Variants in NIPSNAP1 observed in about 807,000 individuals in gnomAD.
NIPSNAP1 encodes nipsnap homolog 1, also known as protein NipSnap homolog 1.
Under a neutral mutation model 49.2 loss-of-function variants are expected in NIPSNAP1, and 25 were observed. The ratio of observed to expected loss-of-function variants is 0.51; its 90% confidence interval spans 0.37 to 0.71. NIPSNAP1 has a LOEUF of 0.71. Among genes scored for constraint, NIPSNAP1 ranks in the 30% least tolerant of loss-of-function variants. NIPSNAP1 has a pLI of 0.00. For missense variants in NIPSNAP1, 294 were observed against 361.0 expected (o/e 0.81, Z 1.50); for synonymous variants, 143 against 140.7 (o/e 1.02, Z -0.12).
In NIPSNAP1 at chr22:29,555,616, A is replaced by G; in HGVS notation, c.*319T>C. 2.7e-6 allele frequency: 1 copy of G among 363,800 alleles called. No individual in the cohort carries two copies. Among genetic ancestry groups the G allele is most frequent in the Non-Finnish European group, 5.3e-6 (1 of 187,590 alleles). The allele number at this position is 363,800 out of a possible 1,614,324, so 22.5% of individuals were successfully genotyped here. ...GCTAAACAGAGGATTTCCAAGGGTG[A>G]TAACTGGGGACTGGTGGCCTTGAGA... is the stretch of plus-strand genomic sequence containing the variant. On this transcript the variant is annotated 3_prime_UTR_variant, in exon 10 of 10. Coordinates refer to ENST00000216121, the MANE Select transcript of NIPSNAP1 (RefSeq NM_003634.4).
intron 4 of NIPSNAP1, among the ~76,000 whole-genome samples, chr22:29,563,096 C>CA (rs1342176382): frequency 2.1e-4 from 26 of 123,446 alleles, no homozygotes; most frequent in African/African-American, 7.1e-4. Flanking sequence ...GAGACTCCAT[C>CA]TTAAAAAAAA....
At chr22:29,580,949 C>G in intron 1 of NIPSNAP1, 36 bp downstream of exon 1, 1 of 1,492,076 alleles carries the variant, frequency 6.7e-7, no homozygotes, top group Non-Finnish European at 8.9e-7. Context: ...GCACCCCACC[C>G]CGCGCGCGTC....
intron 1 of NIPSNAP1, among the ~76,000 whole-genome samples, chr22:29,577,264 G>T (rs2064459788): frequency 6.6e-6 from 1 of 150,514 alleles, no homozygotes; most frequent in Non-Finnish European, 1.5e-5. Flanking sequence ...AATTTTTGTT[G>T]TTGTTTGAGA....
intron 2 of NIPSNAP1, 84 bp downstream of exon 2, chr22:29,570,321 G>A (rs904364213): frequency 1.9e-6 from 3 of 1,609,518 alleles, no homozygotes; most frequent in Admixed American, 1.7e-5. Flanking sequence ...GGACATTCCA[G>A]ACCCTCCCAT....
At position 29,555,633 on chromosome 22, in the gene NIPSNAP1, G is replaced by A; in HGVS notation, c.*302C>T. 1 of 386,538 alleles carries A rather than the reference G, an allele frequency of 2.6e-6. No homozygotes were observed. The highest frequency in any genetic ancestry group is 5.0e-6 in the Non-Finnish European group (1 of 201,864). 23.9% of individuals were successfully genotyped at this position (386,538 alleles called of 1,614,324 possible). A position where few individuals can be genotyped will look rare whatever the true frequency, so the allele number is the denominator to read the frequency against. ...CAAGGGTGATAACTGGGGACTGGTG[G>A]CCTTGAGATGAGGAATTTTAGAAGA... On this transcript the variant is annotated 3_prime_UTR_variant, in exon 10 of 10. Transcript: ENST00000216121.
At chr22:29,561,726 G>A (rs753863845) in intron 5 of NIPSNAP1, 66 bp downstream of exon 5, 178 of 1,612,962 alleles carry the variant, frequency 1.1e-4, no homozygotes, top group Non-Finnish European at 1.4e-4. Flanking sequence ...TAGCAGAGTA[G>A]TCCCCAGAAC....
At position 29,558,919 on chromosome 22, in the gene NIPSNAP1, T is replaced by C. The variant is rs762962880; in HGVS notation, c.741A>G (p.Arg247=). 1.9e-6 allele frequency: 3 copies of C among 1,613,988 alleles called. No homozygotes were observed. Among genetic ancestry groups the C allele is most frequent in the Non-Finnish European group, 1.7e-6 (2 of 1,179,974 alleles). The change falls in exon 9 of 10, where the codon CGA becomes CGG. Residue 247 remains arginine, a synonymous_variant. Transcript: ENST00000216121. ...YKDLQSREET[R]NAAWRKRGWD... ...AGCCTCTCTTCCTCCAGGCAGCGTTTCGAGTCTCCTCCCGAGACTGCAGGT... is the reference window on the plus strand; with the variant it reads ...AGCCTCTCTTCCTCCAGGCAGCGTTCCGAGTCTCCTCCCGAGACTGCAGGT...
Position 29,575,428 on chromosome 22 carries a change from GT to G in NIPSNAP1, c.99-4897del, listed in dbSNP as rs544612780. ...CCATCCCTAAAGCTGTTTTCTACAG[GT>G]AAAATCCAAGAAGGAGCTTGTCAAA... On this transcript the variant is annotated intron_variant, in intron 1 of 9. Transcript: ENST00000216121. 1.2e-4 allele frequency among the ~76,000 whole-genome samples: 18 copies of G among 152,208 alleles called. No individual in the cohort carries two copies. In the East Asian group the frequency reaches 3.1e-3, roughly 26 times the overall value.
chr22:29,574,291 A>AAAAAG, intron 1 of NIPSNAP1, among the ~76,000 whole-genome samples: 1 of 148,354 alleles, frequency 6.7e-6, no homozygotes, highest in Non-Finnish European at 1.5e-5. Flanking sequence ...AAAAAAAAAA[A>AAAAAG]AGAAAGAAAA....
chr22:29,577,683 G>C (rs1248941974), intron 1 of NIPSNAP1, among the ~76,000 whole-genome samples: 1 of 150,908 alleles, frequency 6.6e-6, no homozygotes, highest in Non-Finnish European at 1.5e-5. Context: ...CAAAGTGCTG[G>C]GATTACAGGT....
chr22:29,566,077 A>G (rs1253315147), intron 4 of NIPSNAP1, among the ~76,000 whole-genome samples: 1 of 152,118 alleles, frequency 6.6e-6, no homozygotes, highest in Non-Finnish European at 1.5e-5. Flanking sequence ...TTTCTGCATG[A>G]GCCTGTGTGT....
intron 4 of NIPSNAP1, among the ~76,000 whole-genome samples, chr22:29,565,236 GGGCAGTGGCTCACGCC>G (rs2064361354): frequency 6.6e-6 from 1 of 151,838 alleles, no homozygotes; most frequent in African/African-American, 2.4e-5. Flanking sequence ...AAAAGGCCAG[GGGCAGTGGCTCACGCC>G]TTTAATCCCA....
intron 2 of NIPSNAP1, 54 bp downstream of exon 2, chr22:29,570,351 A>G (rs1338284593): frequency 1.2e-6 from 2 of 1,613,276 alleles, no homozygotes; most frequent in African/African-American, 2.7e-5. Flanking sequence ...GGAGCCTCAC[A>G]GGCCCCCAGA....
At chr22:29,557,116 T>G (rs2064300834) in intron 9 of NIPSNAP1, among the ~76,000 whole-genome samples, 1 of 151,782 alleles carries the variant, frequency 6.6e-6, no homozygotes, top group Admixed American at 6.6e-5. Context: ...CACTTGATTT[T>G]TTTTGTTTTT....
Position 29,560,222 on chromosome 22 carries a change from C to A in NIPSNAP1, c.706+512G>T, listed in dbSNP as rs1357079226. Among the ~76,000 whole-genome samples, 4 of 151,490 alleles carry A rather than the reference C, an allele frequency of 2.6e-5. No individual in the cohort carries two copies. In the East Asian group the frequency reaches 7.8e-4, roughly 29 times the overall value. On this transcript the variant is annotated intron_variant, in intron 8 of 9. Transcript: ENST00000216121. ...ACCAATGTAGATCCCCTATGTTTTT[C>A]ACCATCATCTCTCCCTGCCTTTTTT...
At chr22:29,575,132 C>T (rs1426398843) in intron 1 of NIPSNAP1, among the ~76,000 whole-genome samples, 1 of 152,156 alleles carries the variant, frequency 6.6e-6, no homozygotes, top group Non-Finnish European at 1.5e-5. Context: ...GCTGCTTCCC[C>T]TGGAGGGAGA....
Position 29,560,765 on chromosome 22 carries a change from T to C in NIPSNAP1, c.675A>G (p.Ile225Met). 6.2e-7 allele frequency: 1 copy of C among 1,614,118 alleles called. No individual in the cohort carries two copies. The highest frequency in any genetic ancestry group is 8.5e-7 in the Non-Finnish European group (1 of 1,180,022). The stretch of plus-strand genomic sequence containing the variant: ...GATGGTGCACCACGTAGAGCTCTCC[T>C]ATCTGTGAGAAGAAGCCGCCCACTG... ...QEAVGGFFSQ[I>M]GELYVVHHLW... Residue 225 changes from isoleucine to methionine, a missense_variant, in exon 8 of 10, where the codon ATA (isoleucine) becomes ATG (methionine). By Grantham distance (10) the Ile-to-Met change is conservative (BLOSUM62 1). Around this residue, in one of 4 missense-constraint regions of NIPSNAP1, gnomAD observed 146 missense variants for 219.9 expected, o/e 0.66. Coordinates refer to ENST00000216121, the MANE Select transcript of NIPSNAP1 (RefSeq NM_003634.4).
intron 4 of NIPSNAP1, among the ~76,000 whole-genome samples, chr22:29,562,655 C>T (rs1484594170): frequency 6.6e-6 from 1 of 151,878 alleles, no homozygotes; most frequent in Non-Finnish European, 1.5e-5. Context: ...TGTGCCATCG[C>T]ACTCCAACCT....
At chr22:29,576,519 C>T (rs2064453626) in intron 1 of NIPSNAP1, among the ~76,000 whole-genome samples, 1 of 151,464 alleles carries the variant, frequency 6.6e-6, no homozygotes, top group Non-Finnish European at 1.5e-5. Flanking sequence ...ATGCTTGGAG[C>T]AGTGCTGGGC....
Sources: gnomAD v4.1 joint callset for allele counts (sites outside exome capture counted in the v4.1 genomes callset) on GRCh38, gnomAD v4.1.1 for gene constraint, gnomAD v4.1.1 regional missense constraint, MANE v1.5 for transcripts, NCBI Gene and HGNC (gene_info 2026-07-23, HGNC 2026-07-21) for gene names.